Variants in NPC1 observed in about 807,000 individuals in gnomAD.
NPC1 encodes the protein NPC intracellular cholesterol transporter 1.
NPC1 carries 85 observed loss-of-function variants against 140.4 expected under a neutral mutation model. The observed-to-expected ratio is 0.61, with a 90% CI of 0.51 to 0.72. The LOEUF is 0.72. Among genes scored for constraint, NPC1 ranks in the 30% least tolerant of loss-of-function variants. The pLI, the probability that NPC1 is intolerant of heterozygous loss-of-function variation, is 0.00. For synonymous variants in NPC1, 656 were observed against 624.8 expected, an observed-to-expected ratio of 1.05 and a Z score of -0.74; for missense variants, 1,504 against 1,623.8, an observed-to-expected ratio of 0.93 and a Z score of 1.27.
rs2058924950 is a variant in NPC1 at position 23,554,739 on chromosome 18, A to C, written c.1553+19T>G. The C allele has an allele frequency of 6.3e-7, 1 of 1,598,240 alleles. No homozygotes were observed. The highest frequency in any genetic ancestry group is 2.2e-5 in the East Asian group (1 of 44,810). On this transcript the variant is annotated intron_variant, in intron 9 of 24. Transcript: ENST00000269228. ...GACCCAAGAATGGTGTCTACCAATG[A>C]TTGTCTCTTGCCACTTACCGTACGC... is the stretch of plus-strand genomic sequence containing the variant.
chr18:23,561,987 G>A (rs938661898), intron 4 of NPC1, among the ~76,000 whole-genome samples: 8 of 152,124 alleles, frequency 5.3e-5, no homozygotes, highest in African/African-American at 1.7e-4. Context: ...GAGGTCACGT[G>A]TCAATAAACC....
In NPC1 at chr18:23,560,413, C is replaced by G; in HGVS notation, c.699G>C (p.Glu233Asp). ...CTTGGCAGCTACATGGTGCTGTGAC[C>G]TCATCCACAGACTCGTCACAGCCTT... ...ATKGCDESVD[E>D]VTAPCSCQDC... Residue 233 changes from glutamate (E) to aspartate (D), a missense_variant, in exon 6 of 25, where the codon GAG becomes GAC. Physicochemically the swap from Glu to Asp is conservative, Grantham distance 45. Coordinates refer to ENST00000269228, the MANE Select transcript of NPC1 (RefSeq NM_000271.5). 1 of 1,614,190 alleles carries G rather than the reference C, an allele frequency of 6.2e-7. No individual in the cohort carries two copies. Among genetic ancestry groups the G allele is most frequent in the Non-Finnish European group, 8.5e-7 (1 of 1,180,012 alleles).
chr18:23,534,941 G>T (rs994232947), intron 22 of NPC1, among the ~76,000 whole-genome samples: 2 of 152,116 alleles, frequency 1.3e-5, no homozygotes, highest in African/African-American at 4.8e-5. Context: ...TATTTTCCAT[G>T]AATACCTTCT....
chr18:23,529,400 T>G, downstream of NPC1: 3 of 1,480,084 alleles, frequency 2.0e-6, no homozygotes, highest in South Asian at 4.1e-5. Flanking sequence ...TTGAAGTGAT[T>G]AGAATCACTG....
chr18:23,550,977 C>CCA (rs1185710253), intron 10 of NPC1, among the ~76,000 whole-genome samples: 2 of 152,186 alleles, frequency 1.3e-5, no homozygotes, highest in Non-Finnish European at 2.9e-5. Context: ...TTCTCCCCTG[C>CCA]CACCAAGTGA....
intron 1 of NPC1, among the ~76,000 whole-genome samples, chr18:23,584,230 A>G: frequency 6.6e-6 from 1 of 152,192 alleles, no homozygotes; most frequent in Non-Finnish European, 1.5e-5. Flanking sequence ...CTAGTCCATA[A>G]TTCCATGATA....
At chr18:23,576,469 C>T (rs2059281178) in intron 1 of NPC1, 3 of 986,130 alleles carry the variant, frequency 3.0e-6, no homozygotes, top group East Asian at 1.1e-4. Context: ...CCAGCAGGAC[C>T]CAAAGACTTA....
chr18:23,573,978 G>T (rs7226548), intron 1 of NPC1, among the ~76,000 whole-genome samples: 13,906 of 152,064 alleles, frequency 0.091, 1,344 homozygotes, highest in African/African-American at 0.24. Context: ...ATGTATTTAG[G>T]TTAATTAATA....
At chr18:23,553,766 G>C (rs953169724) in intron 9 of NPC1, among the ~76,000 whole-genome samples, 1 of 152,112 alleles carries the variant, frequency 6.6e-6, no homozygotes, top group Non-Finnish European at 1.5e-5. Flanking sequence ...GGTCACCAAA[G>C]CACCGCTTCC....
chr18:23,532,386 CAGG>C (rs1417509195), intron 24 of NPC1, 102 bp from the exon 25 acceptor site: 5 of 1,301,390 alleles, frequency 3.8e-6, no homozygotes, highest in South Asian at 2.4e-5. Context: ...AAGACTGAGG[CAGG>C]AGAATTGCTT....
intron 24 of NPC1, 74 bp downstream of exon 24, chr18:23,533,281 G>A (rs2058568271): frequency 2.9e-6 from 4 of 1,384,130 alleles, no homozygotes; most frequent in Admixed American, 3.4e-5. Flanking sequence ...TACTTGAAAA[G>A]AATGCCTCAG....
downstream of NPC1, chr18:23,530,142 G>A (rs760514664): frequency 3.1e-6 from 5 of 1,613,634 alleles, no homozygotes; most frequent in Non-Finnish European, 4.2e-6. Flanking sequence ...GGTATGCATT[G>A]CCAGATTTTT....
chr18:23,553,656 A>T (rs1336592006), intron 9 of NPC1, among the ~76,000 whole-genome samples: 1 of 152,220 alleles, frequency 6.6e-6, no homozygotes, highest in Non-Finnish European at 1.5e-5. Context: ...CTGGCTGAAC[A>T]AATGTCCCTA....
At position 23,586,314 on chromosome 18, in the gene NPC1, G is replaced by A. The variant is rs1432179735; in HGVS notation, c.30C>T (p.Leu10=). 6.5e-7 allele frequency: 1 copy of A among 1,534,080 alleles called. No individual in the cohort carries two copies. The highest frequency in any genetic ancestry group is 2.0e-5 in the Admixed American group (1 of 50,962). Residue 10 remains leucine, a synonymous_variant, in exon 1 of 25, where the codon CTC becomes CTT. Transcript: ENST00000269228. ...GCGCTGGACACAGTAGCAGCAGGAG[G>A]AGGCCAAGGGCCAGGCCGCGAGCGG... MTARGLALG[L]LLLLLCPAQV... is the part of the protein sequence containing the mutation.
intron 6 of NPC1, among the ~76,000 whole-genome samples, chr18:23,559,492 CTTTTTTTTTTTTTT>C (rs57612444): frequency 1.2e-5 from 1 of 81,454 alleles, no homozygotes; most frequent in Non-Finnish European, 2.2e-5. Context: ...TTGACTCTGA[CTTTTTTTTTTTTTT>C]TTTTTTTTTT....
Position 23,531,879 on chromosome 18 carries a change from TGATTGGCCTTTACA to T in NPC1, c.*309_*322del. 6.9e-7 allele frequency: 1 copy of T among 1,445,074 alleles called. No individual in the cohort carries two copies. The highest frequency in any genetic ancestry group is 9.0e-7 in the Non-Finnish European group (1 of 1,106,896). The allele number at this position is 1,445,074 out of a possible 1,614,324, so 89.5% of individuals were successfully genotyped here. A position where few individuals can be genotyped will look rare whatever the true frequency, so the allele number is the denominator to read the frequency against. ...CTAAAAGGAGAGACAGACAGTGCAT[TGATTGGCCTTTACA>T]GAGTGTCAGTGAGCGGATCACATTC... On this transcript the variant is annotated 3_prime_UTR_variant, in exon 25 of 25. Coordinates refer to ENST00000269228, the MANE Select transcript of NPC1 (RefSeq NM_000271.5).
In NPC1 at chr18:23,568,955, G is replaced by C; in HGVS notation, c.331C>G (p.Leu111Val). ...FYNLLNLFCE[L>V]TCSPRQSQFL... Reference sequence around the variant, plus strand: ...TGACTCTGTCGAGGGCTACATGTCAGCTCACAAAACAGGTTCAGTAGGTTA... The same window carrying C: ...TGACTCTGTCGAGGGCTACATGTCACCTCACAAAACAGGTTCAGTAGGTTA... Residue 111 changes from leucine to valine, a missense_variant, in exon 4 of 25, where the codon CTG becomes GTG. Transcript: ENST00000269228. The C allele has an allele frequency of 6.2e-7, 1 of 1,613,952 alleles. No individual in the cohort carries two copies. Among genetic ancestry groups the C allele is most frequent in the Admixed American group, 1.7e-5 (1 of 60,018 alleles).
chr18:23,564,437 C>T (rs1275137205), intron 4 of NPC1, among the ~76,000 whole-genome samples: 3 of 152,146 alleles, frequency 2.0e-5, no homozygotes, highest in East Asian at 1.9e-4. Flanking sequence ...AAGCAATCTT[C>T]CTGCCTCAGA....
intron 7 of NPC1, 124 bp downstream of exon 7, chr18:23,556,993 C>G (rs752151538): frequency 2.4e-6 from 2 of 825,770 alleles, no homozygotes; most frequent in Admixed American, 2.0e-5. Flanking sequence ...CTGCCTTGGT[C>G]GCAGCCGTGT....
Sources: allele counts gnomAD v4.1 joint callset (sites outside exome capture counted in the v4.1 genomes callset), GRCh38; gene constraint gnomAD v4.1.1; transcripts MANE v1.5; gene names NCBI Gene and HGNC (gene_info 2026-07-23, HGNC 2026-07-21).